Variants in RAB30 observed in about 807,000 individuals in gnomAD.
RAB30 encodes the protein ras-related protein Rab-30.
Under a neutral mutation model 25.1 loss-of-function variants are expected in RAB30, and 9 were observed. The ratio of observed to expected loss-of-function variants is 0.36; its 90% CI spans 0.22 to 0.63. The LOEUF (loss-of-function observed/expected upper bound fraction) is 0.63, where lower values mean the gene tolerates loss of function less well. Among genes scored for constraint, RAB30 ranks in the 20% least tolerant of loss-of-function variants. The pLI is 0.69. For synonymous variants in RAB30, 77 were observed against 86.4 expected (o/e 0.89, Z 0.60); for missense variants, 140 against 243.5 (o/e 0.58, Z 2.83).
rs558274588 is a variant in RAB30 at position 83,045,299 on chromosome 11, T to C, written c.-9+26392A>G. On this transcript the variant is annotated intron_variant, in intron 1 of 4. Transcript: ENST00000527633. ...AGGCATCCACAACTGTGCCCATATATATATTTTTTTTCCTAGAGATAAGAT... is the reference window on the plus strand; with the variant it reads ...AGGCATCCACAACTGTGCCCATATACATATTTTTTTTCCTAGAGATAAGAT... Among the ~76,000 whole-genome samples the C allele has an allele frequency of 2.6e-5, 4 of 152,200 alleles. No homozygotes were observed. The South Asian group carries it at 8.3e-4, about 32-fold the overall frequency.
chr11:83,034,321 T>C (rs955722504), intron 1 of RAB30: 1 of 152,242 alleles, frequency 6.6e-6, no homozygotes, highest in African/African-American at 2.4e-5. Flanking sequence ...AGAAAACCCC[T>C]GGCTGCTAAG....
In RAB30 at chr11:83,014,686, GA is replaced by G. The variant is rs1555035179; in HGVS notation, c.-8-17363del. On this transcript the variant is annotated intron_variant, in intron 1 of 4. Coordinates refer to ENST00000527633, the MANE Select transcript of RAB30 (RefSeq NM_001286060.2). The stretch of plus-strand genomic sequence containing the variant: ...AGAAAGAAAGAAAGAAAGAAAGAAA[GA>G]AAGAAAGAGAAAGGAAGGAAGGAAG... 4.0e-3 allele frequency among the ~76,000 whole-genome samples: 535 copies of G among 134,586 alleles called. 5 individuals are homozygous for G. The highest frequency in any genetic ancestry group is 0.015 in the African/African-American group (508 of 34,060). The allele number at this position is 134,586 out of a possible 152,430, so 88.3% of individuals were successfully genotyped here. A position where few individuals can be genotyped will look rare whatever the true frequency, so the allele number is the denominator to read the frequency against.
At chr11:83,067,134 T>C (rs1446808487) in intron 1 of RAB30, among the ~76,000 whole-genome samples, 1 of 152,184 alleles carries the variant, frequency 6.6e-6, no homozygotes, top group African/African-American at 2.4e-5. Context: ...TAGCCTAGTA[T>C]TGCCAAAGTA....
intron 1 of RAB30, among the ~76,000 whole-genome samples, chr11:83,021,115 C>T (rs78287635): frequency 2.6e-5 from 4 of 152,310 alleles, no homozygotes; most frequent in African/African-American, 7.2e-5. Flanking sequence ...CTGCTCACTG[C>T]GGGTCTTCTC....
chr11:83,065,763 C>A (rs1858681826), intron 1 of RAB30, among the ~76,000 whole-genome samples: 1 of 152,158 alleles, frequency 6.6e-6, no homozygotes, highest in South Asian at 2.1e-4. Context: ...TGAGCACCAG[C>A]TATACCAAGC....
chr11:83,037,257 A>AT (rs890342570), intron 1 of RAB30, among the ~76,000 whole-genome samples: 14 of 150,434 alleles, frequency 9.3e-5, no homozygotes, highest in Admixed American at 4.0e-4. Flanking sequence ...AGACAAACGA[A>AT]TTTTTTTTTT....
chr11:83,031,582 C>T (rs1229373821), intron 1 of RAB30, among the ~76,000 whole-genome samples: 1 of 148,864 alleles, frequency 6.7e-6, no homozygotes, highest in Non-Finnish European at 1.5e-5. Flanking sequence ...GGCTGGAGTG[C>T]AATGGTGCAA....
intron 1 of RAB30, among the ~76,000 whole-genome samples, chr11:83,019,858 C>T (rs1857525984): frequency 6.6e-6 from 1 of 152,228 alleles, no homozygotes; most frequent in South Asian, 2.1e-4. Flanking sequence ...CCATCTCTTA[C>T]AGGCCGAATG....
At chr11:83,071,196 C>T (rs376737347) in intron 1 of RAB30, 2 of 152,226 alleles carry the variant, frequency 1.3e-5, no homozygotes, top group Non-Finnish European at 1.5e-5. Flanking sequence ...TAAAGCCCTA[C>T]AAAACTTAAG....
intron 1 of RAB30, among the ~76,000 whole-genome samples, chr11:83,056,797 A>G (rs1329176233): frequency 2.6e-5 from 4 of 152,238 alleles, no homozygotes; most frequent in African/African-American, 9.6e-5. Flanking sequence ...CCAAAATTAA[A>G]TGATATAACA....
intron 1 of RAB30, among the ~76,000 whole-genome samples, chr11:83,015,022 G>A (rs772036037): frequency 6.6e-6 from 1 of 152,198 alleles, no homozygotes. Flanking sequence ...AACAAGAAGA[G>A]AACTGGGAGA....
intron 4 of RAB30, among the ~76,000 whole-genome samples, chr11:82,983,264 T>C (rs1191007395): frequency 1.3e-5 from 2 of 152,196 alleles, no homozygotes; most frequent in African/African-American, 4.8e-5. Flanking sequence ...CAGACCTCTC[T>C]GAATATACTT....
chr11:82,983,078 A>G (rs1856672579), intron 4 of RAB30, among the ~76,000 whole-genome samples: 1 of 151,952 alleles, frequency 6.6e-6, no homozygotes, highest in Non-Finnish European at 1.5e-5. Flanking sequence ...GCGAAGCAGA[A>G]AAAAAAAGCA....
intron 1 of RAB30, among the ~76,000 whole-genome samples, chr11:83,068,944 C>T (rs1449228052): frequency 6.6e-6 from 1 of 152,164 alleles, no homozygotes; most frequent in East Asian, 1.9e-4. Flanking sequence ...AATATAAGCT[C>T]CATGAAGTCA....
At chr11:83,029,724 T>C (rs2121513585) in intron 1 of RAB30, among the ~76,000 whole-genome samples, 1 of 152,306 alleles carries the variant, frequency 6.6e-6, no homozygotes, top group South Asian at 2.1e-4. Flanking sequence ...AAAATTTCTT[T>C]TTACACACAT....
At chr11:82,993,951 G>A in intron 3 of RAB30, 88 bp downstream of exon 3, 2 of 1,055,234 alleles carry the variant, frequency 1.9e-6, no homozygotes, top group South Asian at 3.0e-5. Context: ...GTTTCAATTA[G>A]GAGATTTAAT....
chr11:83,008,878 CAACT>C (rs1857243645), intron 1 of RAB30, among the ~76,000 whole-genome samples: 1 of 152,080 alleles, frequency 6.6e-6, no homozygotes, highest in Admixed American at 6.6e-5. Context: ...CCAAAAGTGC[CAACT>C]AATTATCAGC....
intron 1 of RAB30, among the ~76,000 whole-genome samples, chr11:83,013,258 A>G (rs1313062387): frequency 1.3e-5 from 2 of 151,910 alleles, no homozygotes; most frequent in African/African-American, 4.8e-5. Flanking sequence ...TAATTTTTGT[A>G]TTTTTAGTAG....
At chr11:83,032,448 G>C (rs951692600) in intron 1 of RAB30, among the ~76,000 whole-genome samples, 25 of 152,134 alleles carry the variant, frequency 1.6e-4, no homozygotes, top group African/African-American at 5.6e-4. Flanking sequence ...CAGCTTCTAG[G>C]ATACAAATAA....
Sources: allele counts gnomAD v4.1 joint callset (sites outside exome capture counted in the v4.1 genomes callset), GRCh38; gene constraint gnomAD v4.1.1; transcripts MANE v1.5; gene names NCBI Gene and HGNC (gene_info 2026-07-23, HGNC 2026-07-21).